The following MTO1 variants were observed in gnomAD, a reference collection of about 807,000 sequenced individuals.
The protein encoded by MTO1 is 5-taurinomethyluridine-[tRNA] synthase subunit MTO1, mitochondrial.
MTO1 carries 46 observed loss-of-function variants against 71.6 expected under a neutral mutation model. The observed-to-expected ratio is 0.64, with a 90% CI of 0.51 to 0.82. The LOEUF (loss-of-function observed/expected upper bound fraction) is 0.82. Among genes scored for constraint, MTO1 ranks in the 40% least tolerant of loss-of-function variants. The pLI is 0.00. For synonymous variants in MTO1, 297 were observed against 312.1 expected, an observed-to-expected ratio of 0.95 and a Z score of 0.51; for missense variants, 773 against 867.5, an observed-to-expected ratio of 0.89 and a Z score of 1.37.
chr6:73,473,761 C>A (rs551870135), intron 4 of MTO1, 107 bp downstream of exon 4: 10 of 820,316 alleles, frequency 1.2e-5, no homozygotes, highest in African/African-American at 1.9e-5. Flanking sequence ...CTTTATAGCA[C>A]TATTGCTTAT....
rs1772164752 is a variant in MTO1, at chr6:73,501,806, G to C, written c.*1071G>C. On this transcript the variant is annotated 3_prime_UTR_variant, in exon 12 of 12. Transcript: ENST00000498286. ...ACCTTCGGGCCAAAGCAGGTACTCAGGAGAGTTCTAAGGGCCCCAAAGTCA... is the reference window on the plus strand; with the variant it reads ...ACCTTCGGGCCAAAGCAGGTACTCACGAGAGTTCTAAGGGCCCCAAAGTCA... 6.6e-6 allele frequency: 1 copy of C among 152,214 alleles called. No homozygotes were observed. Among genetic ancestry groups the C allele is most frequent in the African/African-American group, 2.4e-5 (1 of 41,450 alleles). The allele number at this position is 152,214 out of a possible 1,614,324, so 9.4% of individuals were successfully genotyped here.
intron 4 of MTO1, among the ~76,000 whole-genome samples, chr6:73,475,512 C>CTT (rs111808691): frequency 4.3e-5 from 6 of 139,332 alleles, no homozygotes; most frequent in African/African-American, 1.1e-4. Flanking sequence ...GTCTTGAACT[C>CTT]TTTTTTTTTT....
At chr6:73,472,515 T>C (rs1487211655) in intron 3 of MTO1, among the ~76,000 whole-genome samples, 2 of 152,200 alleles carry the variant, frequency 1.3e-5, no homozygotes, top group African/African-American at 2.4e-5. Context: ...TAGATTGAGA[T>C]TGATAACATA....
At position 73,505,067 on chromosome 6, in the gene MTO1, C is replaced by A. The variant is rs540899160; in HGVS notation, c.*4332C>A. 1.3e-5 allele frequency: 2 copies of A among 151,886 alleles called. No homozygotes were observed. Among genetic ancestry groups the A allele is most frequent in the East Asian group, 3.9e-4 (2 of 5,134 alleles). The allele number at this position is 151,886 out of a possible 1,614,324, so 9.4% of individuals were successfully genotyped here. A position where few individuals can be genotyped will look rare whatever the true frequency, so the allele number is the denominator to read the frequency against. ...GGCGTGGTGGCATGCGCCTGTAATC[C>A]GAGCTACTCAGGTGGCTGAGGCACA... On this transcript the variant is annotated 3_prime_UTR_variant, in exon 12 of 12. Transcript: ENST00000498286.
Position 73,466,531 on chromosome 6 carries a change from G to T in MTO1, c.460G>T (p.Ala154Ser). 1 of 1,614,196 alleles carries T rather than the reference G, an allele frequency of 6.2e-7. No homozygotes were observed. Residue 154 changes from alanine to serine, a missense_variant, in exon 3 of 12, where the codon GCT becomes TCT. Transcript: ENST00000498286. The part of the protein sequence containing the change: ...NTPLLTVQEG[A>S]VEDLILTEPE... Reference sequence around the variant, plus strand: ...ACCACTGCTTACTGTTCAGGAGGGAGCTGTAGAAGATCTTATTCTTACAGA... The same window carrying T: ...ACCACTGCTTACTGTTCAGGAGGGATCTGTAGAAGATCTTATTCTTACAGA...
At chr6:73,498,551 C>T (rs1372842928) in intron 11 of MTO1, among the ~76,000 whole-genome samples, 2 of 151,714 alleles carry the variant, frequency 1.3e-5, no homozygotes, top group South Asian at 2.1e-4. Context: ...GCCCCCACCA[C>T]GTGCTTCAGA....
Position 73,497,891 on chromosome 6 carries a change from C to G in MTO1, c.1912C>G (p.Gln638Glu), listed in dbSNP as rs745938984. 1 of 1,607,604 alleles carries G rather than the reference C, an allele frequency of 6.2e-7. No homozygotes were observed. Among genetic ancestry groups the G allele is most frequent in the Non-Finnish European group, 8.5e-7 (1 of 1,175,360 alleles). The change falls in exon 11 of 12, where the codon CAG becomes GAG. Residue 638 changes from glutamine (Q) to glutamate (E), a missense_variant. Coordinates refer to ENST00000498286, the MANE Select transcript of MTO1 (RefSeq NM_012123.4). ...AGAGAAACTACATTTTAGTCGTCCA[C>G]AGACGGTAAGAAAATAGGCAGGAGA... ...VREKLHFSRP[Q>E]TIGAASRIPG...
intron 10 of MTO1, among the ~76,000 whole-genome samples, chr6:73,496,735 G>GTTCAA (rs1771988301): frequency 6.7e-6 from 1 of 149,666 alleles, no homozygotes; most frequent in South Asian, 2.1e-4. Context: ...GCAGTGTTTG[G>GTTCAA]TTCAAAAAAC....
chr6:73,476,449 CAAA>C (rs35651201), intron 4 of MTO1, among the ~76,000 whole-genome samples: 1 of 131,814 alleles, frequency 7.6e-6, no homozygotes, highest in South Asian at 2.4e-4. Context: ...CGGAGAAAAA[CAAA>C]AAAAAGTAAG....
rs1771530681 is a variant in MTO1, at chr6:73,482,450, G to T, written c.1467G>T (p.Gly489=). Residue 489 remains glycine, a splice_region_variant and synonymous_variant, in exon 9 of 12, where the codon GGG becomes GGT. Transcript: ENST00000498286. The stretch of plus-strand genomic sequence containing the variant: ...ATATTCTCTTTCTCCCTTCCCTAGG[G>T]TATAAAGACGCTGGCTGTGTGTCCC... The part of the protein sequence containing the change: ...DNADSRLTLR[G]YKDAGCVSQQ... 1 of 1,610,450 alleles carries T rather than the reference G, an allele frequency of 6.2e-7. No homozygotes were observed. The highest frequency in any genetic ancestry group is 8.5e-7 in the Non-Finnish European group (1 of 1,179,164).
intron 4 of MTO1, among the ~76,000 whole-genome samples, chr6:73,474,841 C>T (rs1771265934): frequency 6.6e-6 from 1 of 152,002 alleles, no homozygotes; most frequent in East Asian, 1.9e-4. Context: ...CTGCAACCTC[C>T]GCCTCCCAGG....
rs1422555516 is a variant in MTO1, at chr6:73,502,511, A to C, written c.*1776A>C. On this transcript the variant is annotated 3_prime_UTR_variant, in exon 12 of 12. Coordinates refer to ENST00000498286, the MANE Select transcript of MTO1 (RefSeq NM_012123.4). ...CCCGTTCAGCAAAATAATGAAATTC[A>C]TTGTTTCTAAACTTTTTTTTCTGAT... 1 of 152,220 alleles carries C rather than the reference A, an allele frequency of 6.6e-6. No homozygotes were observed. The highest frequency in any genetic ancestry group is 2.4e-5 in the African/African-American group (1 of 41,458). The allele number at this position is 152,220 out of a possible 1,614,324, so 9.4% of individuals were successfully genotyped here.
rs138366506 is a variant in MTO1, at chr6:73,469,123, A to G, written c.535+2517A>G. 2.5e-4 allele frequency among the ~76,000 whole-genome samples: 38 copies of G among 151,980 alleles called. No individual in the cohort carries two copies. In the East Asian group the frequency reaches 7.2e-3, roughly 29 times the overall value. On this transcript the variant is annotated intron_variant, in intron 3 of 11. Coordinates refer to ENST00000498286, the MANE Select transcript of MTO1 (RefSeq NM_012123.4). ...TCCCAGAGGTGATCCTTCCACCTCA[A>G]CCTCCCAAGTAGCTGGGACTATAGG...
chr6:73,480,621 T>G (rs1771461507), intron 6 of MTO1, 54 bp from the exon 7 acceptor site: 2 of 1,603,574 alleles, frequency 1.2e-6, no homozygotes, highest in Non-Finnish European at 1.7e-6. Context: ...CATCTCTACC[T>G]TGAGCAAATC....
intron 9 of MTO1, 57 bp downstream of exon 9, chr6:73,482,677 A>T (rs549696548): frequency 1.4e-6 from 2 of 1,418,808 alleles, no homozygotes; most frequent in Non-Finnish European, 1.9e-6. Flanking sequence ...AGATCATAAG[A>T]TCATTTCATA....
At chr6:73,493,215 C>A (rs560272428) in intron 10 of MTO1, among the ~76,000 whole-genome samples, 2 of 151,588 alleles carry the variant, frequency 1.3e-5, no homozygotes, top group Non-Finnish European at 2.9e-5. Context: ...AGGCTGGTCT[C>A]GAACTCCTGC....
chr6:73,497,401 G>A (rs186057719), intron 10 of MTO1, among the ~76,000 whole-genome samples: 5 of 151,804 alleles, frequency 3.3e-5, no homozygotes, highest in Non-Finnish European at 5.9e-5. Context: ...CTATCCACCC[G>A]CCTTGGCCTC....
chr6:73,473,347 T>A lies in MTO1; in HGVS notation c.536-18T>A. The A allele has an allele frequency of 6.3e-7, 1 of 1,589,618 alleles. No homozygotes were observed. On this transcript the variant is annotated intron_variant, in intron 3 of 11. Transcript: ENST00000498286. Reference sequence around the variant, plus strand: ...AGATACATAGATAATGACTTTATTCTTTTTTCTTGTTATTTAGTGGATGGA... The same window carrying A: ...AGATACATAGATAATGACTTTATTCATTTTTCTTGTTATTTAGTGGATGGA...
rs1239005845 is a variant in MTO1 at position 73,503,128 on chromosome 6, A to T, written c.*2393A>T. On this transcript the variant is annotated 3_prime_UTR_variant, in exon 12 of 12. Transcript: ENST00000498286. Reference sequence around the variant, plus strand: ...GGATGTGAACTTCTTTATTTTTTAGAGACAGGGTCTCACTCTGTTGCCCAG... The same window carrying T: ...GGATGTGAACTTCTTTATTTTTTAGTGACAGGGTCTCACTCTGTTGCCCAG... 2 of 152,164 alleles carry T rather than the reference A, an allele frequency of 1.3e-5. No individual in the cohort carries two copies. The highest frequency in any genetic ancestry group is 2.9e-5 in the Non-Finnish European group (2 of 68,042). The allele number at this position is 152,164 out of a possible 1,614,324, so 9.4% of individuals were successfully genotyped here. A position where few individuals can be genotyped will look rare whatever the true frequency, so the allele number is the denominator to read the frequency against.
Sources: gnomAD v4.1 joint callset for allele counts (sites outside exome capture counted in the v4.1 genomes callset) on GRCh38, gnomAD v4.1.1 for gene constraint, MANE v1.5 for transcripts, NCBI Gene and HGNC (gene_info 2026-07-23, HGNC 2026-07-21) for gene names.